Variants in CSMD2 observed in about 807,000 individuals in gnomAD.
CSMD2 encodes CUB and sushi domain-containing protein 2.
CSMD2 carries 130 observed loss-of-function variants against 398.5 expected under a neutral mutation model. That is an observed-to-expected ratio of 0.33 (90% CI 0.28 to 0.38). The LOEUF is 0.38. CSMD2 is among the 10% of genes least tolerant of loss of function. The pLI is 1.00. For synonymous variants in CSMD2, 1,828 were observed against 1,908.5 expected (o/e 0.96, Z 1.10); for missense variants, 3,829 against 4,764.9 (o/e 0.80, Z 5.78).
intron 39 of CSMD2, among the ~76,000 whole-genome samples, chr1:33,616,206 G>A (rs1485326138): frequency 6.6e-6 from 1 of 152,034 alleles, no homozygotes; most frequent in Non-Finnish European, 1.5e-5. Context: ...TGTTTCGCAC[G>A]TAGCCCTCAG....
At chr1:33,523,838 G>A (rs761512550) in intron 66 of CSMD2, among the ~76,000 whole-genome samples, 3 of 152,204 alleles carry the variant, frequency 2.0e-5, no homozygotes, top group Non-Finnish European at 4.4e-5. Flanking sequence ...CTGCAGTTGC[G>A]TAGGTGTGTG....
At chr1:33,542,968 A>C in intron 57 of CSMD2, 72 bp from the exon 58 acceptor site, 1 of 1,351,316 alleles carries the variant, frequency 7.4e-7, no homozygotes, top group Non-Finnish European at 1.0e-6. Context: ...ATAACTGCCC[A>C]GAGTGGAAGC....
At chr1:34,055,166 A>C (rs1366887340) in intron 2 of CSMD2, among the ~76,000 whole-genome samples, 1 of 152,128 alleles carries the variant, frequency 6.6e-6, no homozygotes, top group Non-Finnish European at 1.5e-5. Flanking sequence ...AACAATAAAC[A>C]AGCAAATAGC....
intron 27 of CSMD2, among the ~76,000 whole-genome samples, chr1:33,657,075 G>A (rs1643969621): frequency 6.6e-6 from 1 of 152,138 alleles, no homozygotes; most frequent in African/African-American, 2.4e-5. Context: ...GTCTCAAGTA[G>A]TTAGAGGCAG....
intron 25 of CSMD2, among the ~76,000 whole-genome samples, chr1:33,666,888 C>T (rs977205480): frequency 7.2e-5 from 11 of 152,148 alleles, no homozygotes; most frequent in South Asian, 6.3e-4. Flanking sequence ...GAAAAGACAT[C>T]GGTGTGGGCC....
rs546852723 is a variant in CSMD2, at chr1:33,594,700, A to G, written c.6856+6165T>C. Among the ~76,000 whole-genome samples, 19 of 151,508 alleles carry G rather than the reference A, an allele frequency of 1.3e-4. No homozygotes were observed. The South Asian group carries it at 2.5e-3, about 20-fold the overall frequency. On this transcript the variant is annotated intron_variant, in intron 44 of 70. Transcript: ENST00000373381. ...TTTTCACGCCTCTGCCCTTCTCCCT[A>G]TTTGGGTTGAGATTTTCAGGTTTGT... is the stretch of plus-strand genomic sequence containing the variant.
intron 3 of CSMD2, among the ~76,000 whole-genome samples, chr1:33,996,914 A>T (rs989931262): frequency 6.6e-6 from 1 of 152,214 alleles, no homozygotes. Context: ...CATCTGGCAC[A>T]GTTCTTTGCA....
At chr1:33,687,100 AC>A (rs1186863525) in intron 25 of CSMD2, among the ~76,000 whole-genome samples, 1 of 152,234 alleles carries the variant, frequency 6.6e-6, no homozygotes, top group African/African-American at 2.4e-5. Context: ...CCTGAGCAAC[AC>A]AGCAAATAAG....
chr1:33,535,966 G>A (rs972025738), intron 62 of CSMD2, among the ~76,000 whole-genome samples: 1 of 141,292 alleles, frequency 7.1e-6, no homozygotes, highest in East Asian at 2.3e-4. Flanking sequence ...AAGCTAGCTC[G>A]TTTATTTATT....
At chr1:34,049,680 CAT>C (rs1452066589) in intron 2 of CSMD2, among the ~76,000 whole-genome samples, 1 of 152,168 alleles carries the variant, frequency 6.6e-6, no homozygotes, top group East Asian at 1.9e-4. Flanking sequence ...AAGGGACTGA[CAT>C]GTGAAAACAA....
intron 3 of CSMD2, among the ~76,000 whole-genome samples, chr1:33,991,822 A>G (rs1646562369): frequency 6.6e-6 from 1 of 152,202 alleles, no homozygotes; most frequent in South Asian, 2.1e-4. Flanking sequence ...CATAACATAT[A>G]TAATGGACAA....
rs144128474 is a variant in CSMD2 at position 33,920,472 on chromosome 1, G to A, written c.713-2171C>T. Among the ~76,000 whole-genome samples the A allele has an allele frequency of 9.0e-3, 1,341 of 148,388 alleles. 15 individuals are homozygous for A. The highest frequency in any genetic ancestry group is 0.013 in the Non-Finnish European group (895 of 67,184). On this transcript the variant is annotated intron_variant, in intron 4 of 70. Transcript: ENST00000373381. ...CAGAAGAATCGCTTGAACCCAGGAG[G>A]TAGAGTTTGCAGTGAGCCGAGATTG... is the stretch of plus-strand genomic sequence containing the variant.
At chr1:34,080,127 CAAA>C (rs201150922) in intron 2 of CSMD2, among the ~76,000 whole-genome samples, 101 of 76,650 alleles carry the variant, frequency 1.3e-3, no homozygotes, top group Non-Finnish European at 7.4e-4. Flanking sequence ...GAATGTAAAG[CAAA>C]AAAAAAAAAA....
intron 40 of CSMD2, among the ~76,000 whole-genome samples, 198 bp from the exon 41 acceptor site, chr1:33,611,448 G>A (rs1640998766): frequency 6.6e-6 from 1 of 152,178 alleles, no homozygotes; most frequent in Admixed American, 6.5e-5. Flanking sequence ...ACTTAAAAGT[G>A]TATTATTCAT....
chr1:33,641,115 G>C (rs1029690445), intron 29 of CSMD2, among the ~76,000 whole-genome samples: 2 of 152,174 alleles, frequency 1.3e-5, no homozygotes, highest in Non-Finnish European at 2.9e-5. Flanking sequence ...CCTGCTCAGA[G>C]AGGCCTTCAC....
chr1:33,679,050 A>G (rs1644815021), intron 25 of CSMD2, among the ~76,000 whole-genome samples: 1 of 152,034 alleles, frequency 6.6e-6, no homozygotes, highest in Non-Finnish European at 1.5e-5. Flanking sequence ...AGGCTCTGAG[A>G]CTGCCTATCA....
chr1:33,742,960 A>G (rs1186945026), intron 14 of CSMD2, among the ~76,000 whole-genome samples: 2 of 152,132 alleles, frequency 1.3e-5, no homozygotes, highest in East Asian at 3.9e-4. Flanking sequence ...GGCCCTCCCT[A>G]GTTCTGGTTG....
At chr1:33,737,167 C>T (rs1646912664) in intron 15 of CSMD2, among the ~76,000 whole-genome samples, 2 of 152,212 alleles carry the variant, frequency 1.3e-5, no homozygotes, top group African/African-American at 2.4e-5. Flanking sequence ...ATTAATTCTA[C>T]AGCTGGGAAG....
chr1:33,557,607 T>C, intron 55 of CSMD2, 127 bp downstream of exon 55: 6 of 869,430 alleles, frequency 6.9e-6, no homozygotes, highest in Non-Finnish European at 1.0e-5. Flanking sequence ...AGGCAACTCA[T>C]ACATGTGCAG....
Sources: gnomAD v4.1 joint callset for allele counts (sites outside exome capture counted in the v4.1 genomes callset) on GRCh38, gnomAD v4.1.1 for gene constraint, MANE v1.5 for transcripts, NCBI Gene and HGNC (gene_info 2026-07-23, HGNC 2026-07-21) for gene names.